CAMK4: variants seen among roughly 807,000 people sequenced by gnomAD.
CAMK4 encodes the protein calcium/calmodulin dependent protein kinase IV, also known as calcium/calmodulin-dependent protein kinase type IV.
In CAMK4, 22 loss-of-function variants were observed where a neutral mutation model predicts 44.9. The ratio of observed to expected loss-of-function variants is 0.49; its 90% confidence interval spans 0.35 to 0.70. CAMK4 has a LOEUF of 0.70. Among genes scored for constraint, CAMK4 ranks in the 30% least tolerant of loss-of-function variants. The probability of loss-of-function intolerance (pLI) is 0.01; values close to 1 mark genes in which losing one functional copy is unlikely to be tolerated. For synonymous variants in CAMK4, 218 were observed against 215.4 expected, an observed-to-expected ratio of 1.01 and a Z score of -0.11; for missense variants, 498 against 586.8, an observed-to-expected ratio of 0.85 and a Z score of 1.56.
At chr5:111,237,247 T>G (rs1748771158) in intron 1 of CAMK4, among the ~76,000 whole-genome samples, 1 of 152,250 alleles carries the variant, frequency 6.6e-6, no homozygotes, top group Admixed American at 6.5e-5. Context: ...GTCAGTCATC[T>G]CTATCTTAAA....
At chr5:111,365,095 G>C (rs781670005) in intron 2 of CAMK4, 7 of 152,212 alleles carry the variant, frequency 4.6e-5, no homozygotes, top group Non-Finnish European at 8.8e-5. Flanking sequence ...CAAGTGCCAA[G>C]TGAAAGGACC....
chr5:111,242,692 G>C (rs1439861631), intron 1 of CAMK4, among the ~76,000 whole-genome samples: 1 of 152,054 alleles, frequency 6.6e-6, no homozygotes, highest in Non-Finnish European at 1.5e-5. Context: ...CGTTGCGCTT[G>C]CCGTCTTACG....
intron 2 of CAMK4, among the ~76,000 whole-genome samples, chr5:111,353,249 T>C (rs1401365177): frequency 2.0e-5 from 3 of 152,052 alleles, no homozygotes; most frequent in Non-Finnish European, 4.4e-5. Context: ...CCTCACATGG[T>C]CTTTGTAAGG....
chr5:111,325,458 AACTAATTT>A (rs1321898648), intron 1 of CAMK4, among the ~76,000 whole-genome samples: 3 of 152,110 alleles, frequency 2.0e-5, no homozygotes, highest in Non-Finnish European at 4.4e-5. Flanking sequence ...ACAATGGTTG[AACTAATTT>A]ACACTCTCAC....
rs114538054 is a variant in CAMK4, at chr5:111,318,749, A to T, written c.162-25275A>T. On this transcript the variant is annotated intron_variant, in intron 1 of 10. Coordinates refer to ENST00000282356, the MANE Select transcript of CAMK4 (RefSeq NM_001744.6). ...ACAGAATTGGCTATGACTCCTGGAA[A>T]CAAATACAAATATTTGACAGAGCTG... Among the ~76,000 whole-genome samples the T allele has an allele frequency of 5.5e-3, 840 of 152,298 alleles. 10 individuals carry two copies. The highest frequency in any genetic ancestry group is 0.019 in the African/African-American group (777 of 41,564).
chr5:111,344,238 C>A, intron 2 of CAMK4, 136 bp downstream of exon 2: 1 of 519,378 alleles, frequency 1.9e-6, no homozygotes, highest in Non-Finnish European at 3.4e-6. Flanking sequence ...TACGGGAGTG[C>A]AACCCAAATA....
In CAMK4 at chr5:111,484,191, G is replaced by T; in HGVS notation, c.1147G>T (p.Ala383Ser). 1.2e-6 allele frequency: 2 copies of T among 1,614,086 alleles called. No individual in the cohort carries two copies. Among genetic ancestry groups the T allele is most frequent in the Non-Finnish European group, 1.7e-6 (2 of 1,179,998 alleles). ...AGGAGAGAAAATTCAAGGCGATGGG[G>T]CCCAAGCCGCAGTTAAGGGGGCACA... is the stretch of plus-strand genomic sequence containing the variant. ...PEGEKIQGDG[A>S]QAAVKGAQAE... is the part of the protein sequence containing the mutation. The change falls in exon 11 of 11, where the codon GCC becomes TCC. Residue 383 changes from alanine (A) to serine (S), a missense_variant. Coordinates refer to ENST00000282356, the MANE Select transcript of CAMK4 (RefSeq NM_001744.6). This position sits in a 1 kb window ranked among gnomAD's most constrained non-coding sequence, Gnocchi z 5.3.
At chr5:111,441,188 T>A (rs1484090177) in intron 5 of CAMK4, among the ~76,000 whole-genome samples, 1 of 152,178 alleles carries the variant, frequency 6.6e-6, no homozygotes, top group Non-Finnish European at 1.5e-5. Flanking sequence ...CAACCCATGA[T>A]CAAGACTGAG....
intron 1 of CAMK4, among the ~76,000 whole-genome samples, chr5:111,340,044 C>T (rs534826421): frequency 5.9e-4 from 89 of 151,006 alleles, no homozygotes; most frequent in Non-Finnish European, 1.1e-3. Context: ...TATAGAGAAA[C>T]CCAACTGATT....
chr5:111,444,847 CTGAT>C (rs1753970888), intron 5 of CAMK4, among the ~76,000 whole-genome samples: 1 of 152,136 alleles, frequency 6.6e-6, no homozygotes, highest in African/African-American at 2.4e-5. Context: ...AAGAGGAAAA[CTGAT>C]TGACCGAGAA....
intron 6 of CAMK4, 56 bp downstream of exon 6, chr5:111,446,832 A>G (rs1754047007): frequency 2.9e-6 from 3 of 1,038,360 alleles, no homozygotes; most frequent in East Asian, 2.4e-5. Context: ...AAAAAATTTT[A>G]CTGTGTGGAA....
rs182610923 is a variant in CAMK4 at position 111,241,323 on chromosome 5, A to T, written c.161+16679A>T. On this transcript the variant is annotated intron_variant, in intron 1 of 10. Coordinates refer to ENST00000282356, the MANE Select transcript of CAMK4 (RefSeq NM_001744.6). Reference sequence around the variant, plus strand: ...AAGTCTTGAGCAATACTGGACAAGTATCCTGTGGAATACCCACCCCCAGCC... The same window carrying T: ...AAGTCTTGAGCAATACTGGACAAGTTTCCTGTGGAATACCCACCCCCAGCC... Among the ~76,000 whole-genome samples, 243 of 152,270 alleles carry T rather than the reference A, an allele frequency of 1.6e-3. 1 individual carries two copies. The highest frequency in any genetic ancestry group is 3.4e-3 in the Middle Eastern group (1 of 294).
chr5:111,414,620 TA>T (rs1447386000), intron 5 of CAMK4, among the ~76,000 whole-genome samples: 1 of 152,206 alleles, frequency 6.6e-6, no homozygotes, highest in African/African-American at 2.4e-5. Flanking sequence ...TATTTGCATA[TA>T]TGATTGTGTT....
upstream of CAMK4, chr5:111,224,226 C>T: frequency 5.9e-6 from 2 of 340,764 alleles, no homozygotes; most frequent in South Asian, 7.0e-5. This position sits in a 1 kb window ranked among gnomAD's most constrained non-coding sequence, Gnocchi z 5.7. Context: ...GGGGAGGGAG[C>T]CTCTCTCCTC....
intron 1 of CAMK4, among the ~76,000 whole-genome samples, chr5:111,273,834 GTC>G (rs1750645812): frequency 1.3e-5 from 2 of 150,562 alleles, no homozygotes; most frequent in African/African-American, 4.9e-5. Context: ...TTGTGTGTGT[GTC>G]TTTTTAATAT....
chr5:111,350,562 T>A (rs1208272415), intron 2 of CAMK4, among the ~76,000 whole-genome samples: 1 of 152,010 alleles, frequency 6.6e-6, no homozygotes, highest in Non-Finnish European at 1.5e-5. Flanking sequence ...TTTAGAACAC[T>A]TTCAACCCTA....
rs1006911743 is a variant in CAMK4 at position 111,281,987 on chromosome 5, G to A, written c.161+57343G>A. 2.0e-5 allele frequency among the ~76,000 whole-genome samples: 3 copies of A among 151,798 alleles called. No individual in the cohort carries two copies. The East Asian group carries it at 5.8e-4, about 29-fold the overall frequency. On this transcript the variant is annotated intron_variant, in intron 1 of 10. Coordinates refer to ENST00000282356, the MANE Select transcript of CAMK4 (RefSeq NM_001744.6). ...GCAGGAGAATGGCGTGAACCCCAGG[G>A]GGCGGAGGCTGCAGTGAGCCGAGAT... is the stretch of plus-strand genomic sequence containing the variant.
At chr5:111,262,075 C>T (rs1750005950) in intron 1 of CAMK4, among the ~76,000 whole-genome samples, 1 of 151,766 alleles carries the variant, frequency 6.6e-6, no homozygotes, top group African/African-American at 2.4e-5. Flanking sequence ...TTCTGAGCCC[C>T]TCACTCTGCT....
intron 1 of CAMK4, chr5:111,266,275 A>T (rs1750241852): frequency 6.6e-6 from 1 of 151,710 alleles, no homozygotes; most frequent in Non-Finnish European, 1.5e-5. Context: ...TGCCCATGAG[A>T]ACATTTCCCT....
Sources: allele counts gnomAD v4.1 joint callset (sites outside exome capture counted in the v4.1 genomes callset), GRCh38; gene constraint gnomAD v4.1.1; non-coding constraint Gnocchi (gnomAD v3.1); transcripts MANE v1.5; gene names NCBI Gene and HGNC (gene_info 2026-07-23, HGNC 2026-07-21).